SLC1A2: variants seen among roughly 807,000 people sequenced by gnomAD.
SLC1A2 encodes the protein excitatory amino acid transporter 2.
A neutral mutation model predicts 48.8 loss-of-function variants in SLC1A2; 15 were observed. The ratio of observed to expected loss-of-function variants is 0.31; its 90% CI spans 0.21 to 0.47. SLC1A2 has a LOEUF of 0.47. Ranked by LOEUF, SLC1A2 falls within the 20% of genes least tolerant of loss-of-function variation. The probability of loss-of-function intolerance (pLI) is 0.99; values close to 1 mark genes in which losing one functional copy is unlikely to be tolerated. For synonymous variants in SLC1A2, 279 were observed against 272.6 expected (o/e 1.02, Z -0.23); for missense variants, 502 against 730.5 (o/e 0.69, Z 3.61).
intron 4 of SLC1A2, among the ~76,000 whole-genome samples, chr11:35,308,900 A>G (rs1176795675): frequency 6.6e-6 from 1 of 152,052 alleles, no homozygotes; most frequent in East Asian, 1.9e-4. Flanking sequence ...GCTACCTATA[A>G]CCCTATCTAT....
At chr11:35,403,818 T>C (rs1855201511) in intron 1 of SLC1A2, among the ~76,000 whole-genome samples, 1 of 64,278 alleles carries the variant, frequency 1.6e-5, no homozygotes, top group African/African-American at 4.7e-5. Context: ...CAAGGATTAA[T>C]TTAATGCCCC....
upstream of SLC1A2, chr11:35,420,204 T>A (rs1369207280): frequency 5.4e-6 from 1 of 186,678 alleles, no homozygotes; most frequent in Non-Finnish European, 1.1e-5. Flanking sequence ...GCGCGGAGAG[T>A]TGGCCGAGGG....
chr11:35,271,448 T>C (rs1254351607), intron 9 of SLC1A2, among the ~76,000 whole-genome samples: 1 of 152,124 alleles, frequency 6.6e-6, no homozygotes, highest in East Asian at 1.9e-4. Flanking sequence ...CAACTTTTAA[T>C]GAATGGGCAA....
At chr11:35,339,971 C>T (rs10768128) in intron 1 of SLC1A2, among the ~76,000 whole-genome samples, 122,222 of 152,192 alleles carry the variant, frequency 0.8, 49,719 homozygotes, top group East Asian at 0.92. Flanking sequence ...ATATATTTAA[C>T]GACAAAGCCC....
intron 1 of SLC1A2, among the ~76,000 whole-genome samples, chr11:35,388,501 C>A (rs1854652549): frequency 6.6e-6 from 1 of 152,220 alleles, no homozygotes; most frequent in African/African-American, 2.4e-5. Flanking sequence ...CTCAAGCCAT[C>A]CTCCTGCCCC....
At chr11:35,326,847 A>G (rs1238683262) in intron 1 of SLC1A2, among the ~76,000 whole-genome samples, 1 of 152,104 alleles carries the variant, frequency 6.6e-6, no homozygotes, top group Non-Finnish European at 1.5e-5. Flanking sequence ...GATTCCACCC[A>G]AGGACCCAGA....
chr11:35,322,724 G>A (rs368207830), intron 1 of SLC1A2: 30 of 1,056,718 alleles, frequency 2.8e-5, no homozygotes, highest in Middle Eastern at 2.0e-4. Flanking sequence ...GTCCTCTCCC[G>A]TAAGACAGTT....
At chr11:35,377,112 C>T (rs10836384) in intron 1 of SLC1A2, among the ~76,000 whole-genome samples, 40,859 of 152,056 alleles carry the variant, frequency 0.27, 5,564 homozygotes, top group Middle Eastern at 0.3. Flanking sequence ...AACACTCTAT[C>T]CCCATTAACT....
intron 4 of SLC1A2, among the ~76,000 whole-genome samples, chr11:35,310,932 G>A (rs1360422296): frequency 6.6e-6 from 1 of 151,996 alleles, no homozygotes; most frequent in East Asian, 1.9e-4. Flanking sequence ...CTTTTGTAGT[G>A]CCATTTTGCA....
chr11:35,341,166 C>T (rs190621151), intron 1 of SLC1A2, among the ~76,000 whole-genome samples: 47 of 152,262 alleles, frequency 3.1e-4, no homozygotes, highest in African/African-American at 1.1e-3. Flanking sequence ...GGTTCAGGTT[C>T]GCCCCGAAGT....
chr11:35,354,343 C>T (rs1392637317), intron 1 of SLC1A2, among the ~76,000 whole-genome samples: 1 of 151,860 alleles, frequency 6.6e-6, no homozygotes, highest in East Asian at 1.9e-4. Flanking sequence ...ACCTGGAGTC[C>T]CCACTACCAG....
intron 8 of SLC1A2, among the ~76,000 whole-genome samples, chr11:35,284,001 G>T (rs1000436832): frequency 3.0e-4 from 43 of 145,706 alleles, no homozygotes; most frequent in African/African-American, 1.0e-3. Context: ...AGCCACCCTA[G>T]AATTTGTTAT....
intron 1 of SLC1A2, among the ~76,000 whole-genome samples, chr11:35,333,009 C>T (rs1286815035): frequency 6.6e-6 from 1 of 152,180 alleles, no homozygotes; most frequent in Non-Finnish European, 1.5e-5. Context: ...GCCAACTGTT[C>T]CTCAGGTTGG....
Position 35,255,025 on chromosome 11 carries a change from C to A in SLC1A2, c.*5869G>T, listed in dbSNP as rs765553274. On this transcript the variant is annotated 3_prime_UTR_variant, in exon 11 of 11. Coordinates refer to ENST00000278379, the MANE Select transcript of SLC1A2 (RefSeq NM_004171.4). ...AATTGTGTTTATCTTGCTGCCCTTG[C>A]ATCAGGTTTTTTGCACTAATGGAAA... is the stretch of plus-strand genomic sequence containing the variant. 5 of 293,116 alleles carry A rather than the reference C, an allele frequency of 1.7e-5. No individual in the cohort carries two copies. The highest frequency in any genetic ancestry group is 2.7e-5 in the Non-Finnish European group (4 of 149,540). 18.2% of individuals were successfully genotyped at this position (293,116 alleles called of 1,614,324 possible).
intron 1 of SLC1A2, among the ~76,000 whole-genome samples, chr11:35,347,788 G>T (rs1475249772): frequency 1.3e-5 from 2 of 152,168 alleles, no homozygotes; most frequent in African/African-American, 4.8e-5. Context: ...GCCCAGGCTG[G>T]TCTCAAACTC....
At chr11:35,337,738 C>T (rs1432478926) in intron 1 of SLC1A2, among the ~76,000 whole-genome samples, 1 of 152,146 alleles carries the variant, frequency 6.6e-6, no homozygotes. Flanking sequence ...CATGTGCTGC[C>T]TCTTATCTGA....
At chr11:35,362,817 T>C (rs1438412769) in intron 1 of SLC1A2, among the ~76,000 whole-genome samples, 1 of 152,240 alleles carries the variant, frequency 6.6e-6, no homozygotes, top group East Asian at 1.9e-4. Context: ...CTTAGCAGCC[T>C]GACTACATCC....
intron 6 of SLC1A2, among the ~76,000 whole-genome samples, chr11:35,296,987 C>G (rs921666089): frequency 6.6e-6 from 1 of 152,072 alleles, no homozygotes; most frequent in Non-Finnish European, 1.5e-5. Context: ...CATTATCTCA[C>G]CAGTACCTAA....
chr11:35,375,524 A>C (rs538122494), intron 1 of SLC1A2, among the ~76,000 whole-genome samples: 46 of 152,324 alleles, frequency 3.0e-4, no homozygotes, highest in Admixed American at 5.9e-4. Context: ...GTGGCTGGTG[A>C]GCTGAGCACA....
Sources: allele counts gnomAD v4.1 joint callset (sites outside exome capture counted in the v4.1 genomes callset), GRCh38; gene constraint gnomAD v4.1.1; transcripts MANE v1.5; gene names NCBI Gene and HGNC (gene_info 2026-07-23, HGNC 2026-07-21).